Variants in MCTP1 observed in about 807,000 individuals in gnomAD.
MCTP1 encodes the protein multiple C2 and transmembrane domain-containing protein 1.
A neutral mutation model predicts 120.6 loss-of-function variants in MCTP1; 69 were observed. The ratio of observed to expected loss-of-function variants is 0.57; its 90% CI spans 0.47 to 0.70. The LOEUF (loss-of-function observed/expected upper bound fraction) is 0.70, where lower values mean the gene tolerates loss of function less well. Among genes scored for constraint, MCTP1 ranks in the 30% least tolerant of loss-of-function variants. The pLI, the probability that MCTP1 is intolerant of heterozygous loss-of-function variation, is 0.00. For missense variants in MCTP1, 1,203 were observed against 1,248.8 expected (o/e 0.96, Z 0.55); for synonymous variants, 529 against 493.1 (o/e 1.07, Z -0.96).
At chr5:95,039,977 AAACTTCCTCAT>A (rs2151881666) in intron 1 of MCTP1, among the ~76,000 whole-genome samples, 1 of 152,254 alleles carries the variant, frequency 6.6e-6, no homozygotes, top group South Asian at 2.1e-4. Context: ...TAATTTTTTA[AAACTTCCTCAT>A]AACAGCATTA....
intron 12 of MCTP1, among the ~76,000 whole-genome samples, chr5:94,878,263 C>T (rs1472512895): frequency 6.6e-6 from 1 of 152,148 alleles, no homozygotes; most frequent in Admixed American, 6.6e-5. Context: ...CTTCCATCCT[C>T]CTTTTATCAC....
intron 1 of MCTP1, among the ~76,000 whole-genome samples, chr5:95,158,487 G>A (rs1327390012): frequency 6.6e-6 from 1 of 152,124 alleles, no homozygotes; most frequent in Non-Finnish European, 1.5e-5. Context: ...AGTAAATCTG[G>A]TACTTTTTAA....
intron 5 of MCTP1, among the ~76,000 whole-genome samples, chr5:94,932,563 C>G (rs1815046560): frequency 6.6e-6 from 1 of 151,992 alleles, no homozygotes; most frequent in Non-Finnish European, 1.5e-5. Flanking sequence ...TTGTGTCATA[C>G]TAAGAAATAT....
chr5:95,196,715 CT>C (rs1303920015), intron 1 of MCTP1, among the ~76,000 whole-genome samples: 1 of 152,152 alleles, frequency 6.6e-6, no homozygotes. Context: ...GGCATGAGGG[CT>C]GTGGATAGCT....
At chr5:95,038,181 G>A in intron 1 of MCTP1, 1 of 906,544 alleles carries the variant, frequency 1.1e-6, no homozygotes, top group Non-Finnish European at 1.3e-6. Context: ...ATTCCTTCCA[G>A]GTATAACTAA....
chr5:94,755,084 A>T (rs888021082), intron 19 of MCTP1, among the ~76,000 whole-genome samples: 22 of 152,154 alleles, frequency 1.4e-4, no homozygotes, highest in African/African-American at 4.6e-4. Context: ...TGGCTGTCAC[A>T]GTCCTCCCAG....
chr5:94,712,294 C>T (rs558428054), intron 20 of MCTP1, among the ~76,000 whole-genome samples: 2 of 152,248 alleles, frequency 1.3e-5, no homozygotes, highest in Admixed American at 6.5e-5. Flanking sequence ...TCATTTATGG[C>T]ACTTTTTTCT....
chr5:94,957,108 T>C (rs1822833536), intron 2 of MCTP1, among the ~76,000 whole-genome samples: 1 of 152,170 alleles, frequency 6.6e-6, no homozygotes, highest in South Asian at 2.1e-4. Context: ...TGGGGGCCAA[T>C]ATTCAACATT....
At chr5:95,168,369 G>T (rs371955919) in intron 1 of MCTP1, among the ~76,000 whole-genome samples, 1 of 152,152 alleles carries the variant, frequency 6.6e-6, no homozygotes, top group Non-Finnish European at 1.5e-5. Flanking sequence ...GGATTGACTT[G>T]GCAATGTGGG....
At chr5:94,920,781 A>G (rs995130405) in intron 7 of MCTP1, among the ~76,000 whole-genome samples, 4 of 150,972 alleles carry the variant, frequency 2.6e-5, no homozygotes, top group African/African-American at 7.3e-5. Context: ...AAATAAATAA[A>G]TAAATAATAA....
intron 6 of MCTP1, among the ~76,000 whole-genome samples, chr5:94,925,999 A>C (rs1055671154): frequency 2.0e-5 from 3 of 152,208 alleles, no homozygotes; most frequent in Non-Finnish European, 4.4e-5. Flanking sequence ...TAGAGTAAAA[A>C]ATCTAGAAAA....
intron 1 of MCTP1, among the ~76,000 whole-genome samples, chr5:95,126,957 G>A (rs182036619): frequency 6.9e-4 from 105 of 152,212 alleles, no homozygotes; most frequent in Non-Finnish European, 1.1e-3. Context: ...TATTATGTCC[G>A]ATTTTTCTTT....
intron 1 of MCTP1, among the ~76,000 whole-genome samples, chr5:95,041,767 T>C (rs1488943553): frequency 3.3e-5 from 5 of 152,224 alleles, no homozygotes; most frequent in Non-Finnish European, 5.9e-5. Context: ...TATAGCTTTC[T>C]CCATCCCAGA....
intron 18 of MCTP1, among the ~76,000 whole-genome samples, chr5:94,794,568 C>G (rs1012714797): frequency 6.6e-6 from 1 of 152,214 alleles, no homozygotes; most frequent in East Asian, 1.9e-4. Context: ...GACTTTACAA[C>G]AGGGCACAAT....
In MCTP1 at chr5:95,079,736, T is replaced by C. The variant is rs181963759; in HGVS notation, c.721-62252A>G. 7.2e-5 allele frequency among the ~76,000 whole-genome samples: 11 copies of C among 151,998 alleles called. No homozygotes were observed. In the East Asian group the frequency reaches 1.9e-3, roughly 27 times the overall value. ...CATATTTAATAAAAAATATTTTATA[T>C]TTTTTATTAAAATAAATGGTGATCA... On this transcript the variant is annotated intron_variant, in intron 1 of 22. Transcript: ENST00000515393.
chr5:95,246,136 T>C (rs192015840), intron 1 of MCTP1, among the ~76,000 whole-genome samples: 4 of 152,142 alleles, frequency 2.6e-5, no homozygotes, highest in South Asian at 2.1e-4. Context: ...CTGAGAGATT[T>C]TGTCAACACC....
intron 1 of MCTP1, among the ~76,000 whole-genome samples, chr5:95,281,916 A>C (rs2086615868): frequency 6.6e-6 from 1 of 152,256 alleles, no homozygotes; most frequent in Non-Finnish European, 1.5e-5. Flanking sequence ...ACAAGTTCTA[A>C]AAGTTGTCAA....
intron 2 of MCTP1, among the ~76,000 whole-genome samples, chr5:94,971,750 G>A (rs1311882126): frequency 9.9e-5 from 15 of 152,094 alleles, no homozygotes; most frequent in Admixed American, 9.8e-4. Context: ...CACACAGAGA[G>A]CCATCTGCCA....
At chr5:94,989,645 G>C (rs1831134003) in intron 2 of MCTP1, among the ~76,000 whole-genome samples, 1 of 152,124 alleles carries the variant, frequency 6.6e-6, no homozygotes, top group Admixed American at 6.6e-5. Context: ...GATGACTGGT[G>C]GCTGGGGTCT....
Sources: allele counts gnomAD v4.1 joint callset (sites outside exome capture counted in the v4.1 genomes callset), GRCh38; gene constraint gnomAD v4.1.1; transcripts MANE v1.5; gene names NCBI Gene and HGNC (gene_info 2026-07-23, HGNC 2026-07-21).